The following ZNF296 variants were observed in gnomAD, a reference collection of about 807,000 sequenced individuals.
ZNF296 encodes the protein zinc finger protein 342.
In ZNF296, 1 loss-of-function variant was observed where a neutral mutation model predicts 13.2. That is an observed-to-expected ratio of 0.08 (90% CI 0.03 to 0.36). The LOEUF (loss-of-function observed/expected upper bound fraction) is 0.36, where lower values mean the gene tolerates loss of function less well. Among genes scored for constraint, ZNF296 ranks in the 10% least tolerant of loss-of-function variants. The pLI, the probability that ZNF296 is intolerant of heterozygous loss-of-function variation, is 0.99. For synonymous variants in ZNF296, 303 were observed against 289.0 expected, an observed-to-expected ratio of 1.05 and a Z score of -0.49; for missense variants, 555 against 688.2, an observed-to-expected ratio of 0.81 and a Z score of 2.16.
At chr19:45,075,426 G>C (rs1301491994) in intron 2 of ZNF296, among the ~76,000 whole-genome samples, 1 of 152,172 alleles carries the variant, frequency 6.6e-6, no homozygotes, top group Admixed American at 6.5e-5. Flanking sequence ...AGTGAAACCA[G>C]GTTGGGGTGT....
rs368695543 is a variant in ZNF296 at position 45,072,589 on chromosome 19, A to G, written c.449-9T>C. ...CTTCAGCTCCTCTCGTTCTGGTAAG[A>G]AAAAGAGGCAGAGTGTTAGTGCGGA... is the stretch of plus-strand genomic sequence containing the variant. On this transcript the variant is annotated splice_polypyrimidine_tract_variant and intron_variant, in intron 2 of 2. Coordinates refer to ENST00000303809, the MANE Select transcript of ZNF296 (RefSeq NM_145288.3). 1 of 1,582,380 alleles carries G rather than the reference A, an allele frequency of 6.3e-7. No individual in the cohort carries two copies. The highest frequency in any genetic ancestry group is 1.4e-5 in the African/African-American group (1 of 73,834).
In ZNF296 at chr19:45,071,546, A is replaced by C. The variant is rs537588140; in HGVS notation, c.*55T>G. The C allele has an allele frequency of 1.3e-6, 2 of 1,492,276 alleles. No homozygotes were observed. The highest frequency in any genetic ancestry group is 4.6e-5 in the Admixed American group (2 of 43,222). 92.4% of individuals were successfully genotyped at this position (1,492,276 alleles called of 1,614,324 possible). ...TTGGAGAAGGCGGGCAAAAACGAGGAGGTCAATGGGTGTTGGCAGCGGTAC... is the reference window on the plus strand; with the variant it reads ...TTGGAGAAGGCGGGCAAAAACGAGGCGGTCAATGGGTGTTGGCAGCGGTAC... On this transcript the variant is annotated 3_prime_UTR_variant, in exon 3 of 3. Coordinates refer to ENST00000303809, the MANE Select transcript of ZNF296 (RefSeq NM_145288.3).
At chr19:45,073,407 G>A (rs1967290894) in intron 2 of ZNF296, among the ~76,000 whole-genome samples, 2 of 138,874 alleles carry the variant, frequency 1.4e-5, no homozygotes, top group South Asian at 4.4e-4. Flanking sequence ...GCCTTGCTCT[G>A]TCGCCCAGGC....
intron 1 of ZNF296, 28 bp from the exon 2 acceptor site, chr19:45,075,890 T>C (rs1405379591): frequency 1.9e-6 from 3 of 1,600,132 alleles, no homozygotes; most frequent in Non-Finnish European, 1.7e-6. Flanking sequence ...GTGGTGAGCG[T>C]GGGGTGGGGC....
rs1967262740 is a variant in ZNF296, at chr19:45,071,920, G to A, written c.1109C>T (p.Ser370Leu). Reference sequence around the variant, plus strand: ...CCCTGACTTGGGCATCTTTTTGGGTGATGCCTTCTGGCTGTTTGCAGGGTC... The same window carrying A: ...CCCTGACTTGGGCATCTTTTTGGGTAATGCCTTCTGGCTGTTTGCAGGGTC... ...RTDPANSQKA[S>L]PKKMPKSGGK... is the part of the protein sequence containing the mutation. The change falls in exon 3 of 3, where the codon TCA (serine) becomes TTA (leucine). Residue 370 changes from serine (S) to leucine (L), a missense_variant. Transcript: ENST00000303809. The A allele has an allele frequency of 6.2e-7, 1 of 1,613,542 alleles. No homozygotes were observed.
intron 2 of ZNF296, among the ~76,000 whole-genome samples, chr19:45,074,459 C>G (rs147075075): frequency 6.6e-6 from 1 of 152,250 alleles, no homozygotes; most frequent in African/African-American, 2.4e-5. Context: ...TCAAATTGAG[C>G]CCCCAAACCT....
rs1320764168 is a variant in ZNF296, at chr19:45,071,985, A to G, written c.1044T>C (p.Gly348=). 5.6e-6 allele frequency: 9 copies of G among 1,613,344 alleles called. No homozygotes were observed. Among genetic ancestry groups the G allele is most frequent in the Non-Finnish European group, 7.6e-6 (9 of 1,179,998 alleles). Residue 348 remains glycine (G), a synonymous_variant, in exon 3 of 3, where the codon GGT becomes GGC. Coordinates refer to ENST00000303809, the MANE Select transcript of ZNF296 (RefSeq NM_145288.3). ...TGGTGATGGCTCCCCAAGTGTCTCC[A>G]CCAGGGCCGGCTTGAGCCCCACTGC... ...APGSGAQAGP[G]GDTWGAITTE...
chr19:45,075,639 T>C, intron 2 of ZNF296, 74 bp downstream of exon 2: 2 of 1,559,988 alleles, frequency 1.3e-6, no homozygotes, highest in Non-Finnish European at 1.7e-6. Flanking sequence ...TGCCCTGCCG[T>C]CCAGCCCAGC....
intron 1 of ZNF296, 95 bp from the exon 2 acceptor site, chr19:45,075,957 C>T: frequency 6.3e-7 from 1 of 1,589,286 alleles, no homozygotes; most frequent in Non-Finnish European, 8.6e-7. Context: ...AGAAGGGGGC[C>T]TGAGGGGCAG....
chr19:45,076,192 C>T lies in ZNF296; in HGVS notation c.182G>A (p.Arg61Gln), dbSNP rs1470696352. Residue 61 changes from arginine to glutamine, a missense_variant, in exon 1 of 3, where the codon CGG becomes CAG. Physicochemically the swap from Arg to Gln is conservative, Grantham distance 43 (BLOSUM62 1). Transcript: ENST00000303809. The surrounding 1 kb of genome is among the most constrained non-coding windows in gnomAD (Gnocchi z 4.9). ...FSPKEVSSAG[R>Q]FGGEPHHSPG... ...GGAGTGGTGGGGTTCGCCGCCGAAC[C>T]GCCCCGCCGAGGACACCTCCTTCGG... The T allele has an allele frequency of 2.0e-6, 3 of 1,501,304 alleles. No homozygotes were observed. The South Asian group carries it at 4.0e-5, about 20-fold the overall frequency. 93.0% of individuals were successfully genotyped at this position (1,501,304 alleles called of 1,614,324 possible).
In ZNF296 at chr19:45,071,844, A is replaced by G. The variant is rs770475342; in HGVS notation, c.1185T>C (p.Phe395=). The G allele has an allele frequency of 1.2e-6, 2 of 1,612,590 alleles. No individual in the cohort carries two copies. Among genetic ancestry groups the G allele is most frequent in the Admixed American group, 1.7e-5 (1 of 59,966 alleles). The change falls in exon 3 of 3, where the codon TTT becomes TTC. Residue 395 remains phenylalanine, a synonymous_variant. Coordinates refer to ENST00000303809, the MANE Select transcript of ZNF296 (RefSeq NM_145288.3). ...GCACCGTCAGGTTGCTGCTGTTGGT[A>G]AAATGCTTCCCGCAGAACTCACAGC... ...GGSCEFCGKH[F]TNSSNLTVHR...
In ZNF296 at chr19:45,076,216, G is replaced by T. The variant is rs776389075; in HGVS notation, c.158C>A (p.Pro53Gln). Residue 53 changes from proline (P) to glutamine (Q), a missense_variant, in exon 1 of 3, where the codon CCG becomes CAG. Transcript: ENST00000303809. This position sits in a 1 kb window ranked among gnomAD's most constrained non-coding sequence, Gnocchi z 4.9. ...CCGCCCCGCCGAGGACACCTCCTTC[G>T]GGGAGAAGGGCCCCAGCCTTGGGGC... ...QQAPRLGPFS[P>Q]KEVSSAGRFG... The T allele has an allele frequency of 1.3e-6, 2 of 1,507,070 alleles. No individual in the cohort carries two copies. Among genetic ancestry groups the T allele is most frequent in the South Asian group, 2.6e-5 (2 of 75,640 alleles). The allele number at this position is 1,507,070 out of a possible 1,614,324, so 93.4% of individuals were successfully genotyped here.
rs747551649 is a variant in ZNF296, at chr19:45,071,896, CCT to C, written c.1131_1132del (p.Gly379GlnfsTer10). On this transcript the variant is annotated frameshift_variant, in exon 3 of 3. Transcript: ENST00000303809. LOFTEE classifies it low-confidence loss of function (END_TRUNC). ...GCCCCCGGGCCCGCGGCTCTTGCCC[CCT>C]GACTTGGGCATCTTTTTGGGTGATG... 7 of 1,613,346 alleles carry C rather than the reference CCT, an allele frequency of 4.3e-6. No homozygotes were observed. The highest frequency in any genetic ancestry group is 5.1e-6 in the Non-Finnish European group (6 of 1,180,018).
intron 2 of ZNF296, 116 bp downstream of exon 2, chr19:45,075,597 A>G: frequency 1.8e-6 from 2 of 1,117,504 alleles, no homozygotes; most frequent in East Asian, 4.9e-5. Context: ...GCTGCACCCG[A>G]TGGGGAGCGA....
Position 45,071,605 on chromosome 19 carries a change from G to T in ZNF296, c.1424C>A (p.Ala475Asp). The change falls in exon 3 of 3, where the codon GCC becomes GAC. Residue 475 changes from alanine (A) to aspartate (D), a missense_variant. Physicochemically the swap from Ala to Asp is moderately radical, Grantham distance 126. Coordinates refer to ENST00000303809, the MANE Select transcript of ZNF296 (RefSeq NM_145288.3). The stretch of plus-strand genomic sequence containing the variant: ...GTGAGGGGGGCTTTCCTGGGCTCAG[G>T]CCTCGCCGGCCGCCTCAGGGTGCTT... ...RQKHPEAAGE[A>D] The T allele has an allele frequency of 6.6e-7, 1 of 1,514,456 alleles. No homozygotes were observed. Among genetic ancestry groups the T allele is most frequent in the Non-Finnish European group, 8.8e-7 (1 of 1,139,084 alleles). 93.8% of individuals were successfully genotyped at this position (1,514,456 alleles called of 1,614,324 possible).
Position 45,076,126 on chromosome 19 carries a change from C to T in ZNF296, c.248G>A (p.Gly83Asp), listed in dbSNP as rs772010267. 1 of 1,562,910 alleles carries T rather than the reference C, an allele frequency of 6.4e-7. No homozygotes were observed. Among genetic ancestry groups the T allele is most frequent in the South Asian group, 1.2e-5 (1 of 84,832 alleles). ...CCACAGGGTCCACGGGTTCCGCGGG[C>T]CGAGGGCGAGGAGGGCGGCCCCGGC... ...MPAGAALLAL[G>D]PRNPWTLWTP... Residue 83 changes from glycine to aspartate, a missense_variant, in exon 1 of 3, where the codon GGC becomes GAC. Transcript: ENST00000303809. The surrounding 1 kb of genome is among the most constrained non-coding windows in gnomAD (Gnocchi z 4.9).
At chr19:45,074,798 G>C (rs1216324092) in intron 2 of ZNF296, among the ~76,000 whole-genome samples, 1 of 152,192 alleles carries the variant, frequency 6.6e-6, no homozygotes, top group East Asian at 1.9e-4. Flanking sequence ...AGCAGAGCCT[G>C]TGAAACCAAG....
In ZNF296 at chr19:45,072,117, C is replaced by A. The variant is rs771145816; in HGVS notation, c.912G>T (p.Pro304=). 1.8e-4 allele frequency: 282 copies of A among 1,607,932 alleles called. 1 individual carries two copies. Among genetic ancestry groups the A allele is most frequent in the Non-Finnish European group, 2.4e-4 (279 of 1,176,958 alleles). The change falls in exon 3 of 3, where the codon CCG becomes CCT. Residue 304 remains proline (P), a synonymous_variant. Transcript: ENST00000303809. The part of the protein sequence containing the change: ...TSQEQASAAP[P]EPAVHAAAPT... Reference sequence around the variant, plus strand: ...GGGCAGCAGCATGGACAGCCGGCTCCGGAGGGGCTGCAGAGGCCTGCTCCT... The same window carrying A: ...GGGCAGCAGCATGGACAGCCGGCTCAGGAGGGGCTGCAGAGGCCTGCTCCT...
At chr19:45,072,908 C>A (rs978805173) in intron 2 of ZNF296, among the ~76,000 whole-genome samples, 3 of 152,136 alleles carry the variant, frequency 2.0e-5, no homozygotes, top group Non-Finnish European at 4.4e-5. Flanking sequence ...ATTACAGGCG[C>A]CCGCCACCAT....
Sources: gnomAD v4.1 joint callset for allele counts (sites outside exome capture counted in the v4.1 genomes callset) on GRCh38, gnomAD v4.1.1 for gene constraint, Gnocchi (gnomAD v3.1) non-coding constraint, MANE v1.5 for transcripts, NCBI Gene and HGNC (gene_info 2026-07-23, HGNC 2026-07-21) for gene names.